The following ZNF184 variants were observed in gnomAD, a reference collection of about 807,000 sequenced individuals.
ZNF184 encodes the protein zinc finger protein 184, also known as zinc finger protein 184 (Kruppel-like).
Under a neutral mutation model 54.4 loss-of-function variants are expected in ZNF184, and 16 were observed. That is an observed-to-expected ratio of 0.29 (90% CI 0.20 to 0.45). The LOEUF (loss-of-function observed/expected upper bound fraction) is 0.45. ZNF184 is among the 20% of genes least tolerant of loss of function. The probability of loss-of-function intolerance (pLI) is 1.00; values close to 1 mark genes in which losing one functional copy is unlikely to be tolerated. For missense variants in ZNF184, 681 were observed against 888.2 expected, an observed-to-expected ratio of 0.77 and a Z score of 2.97; for synonymous variants, 254 against 295.3, an observed-to-expected ratio of 0.86 and a Z score of 1.43.
the ZNF184 span, among the ~76,000 whole-genome samples, chr6:27,445,114 C>A: frequency 6.6e-6 from 1 of 152,128 alleles, no homozygotes; most frequent in Non-Finnish European, 1.5e-5. Flanking sequence ...TTATACCCAA[C>A]AGAAATGAGT....
the ZNF184 span, among the ~76,000 whole-genome samples, chr6:27,424,262 G>A: frequency 0.59 from 90,432 of 152,030 alleles, 27,245 homozygotes; most frequent in Middle Eastern, 0.75. Context: ...CTTTTGTGAT[G>A]ACTTTTACAG....
the ZNF184 span, among the ~76,000 whole-genome samples, chr6:27,426,132 A>G: frequency 6.6e-6 from 1 of 152,160 alleles, no homozygotes; most frequent in Non-Finnish European, 1.5e-5. This position sits in a 1 kb window ranked among gnomAD's most constrained non-coding sequence, Gnocchi z 4.2. Flanking sequence ...TCATACATAC[A>G]TCTAGCATAC....
the ZNF184 span, among the ~76,000 whole-genome samples, chr6:27,437,274 G>C: frequency 6.6e-6 from 1 of 152,170 alleles, no homozygotes; most frequent in African/African-American, 2.4e-5. Context: ...TAAAAGCAGA[G>C]AGCTTTCTCC....
At chr6:27,434,921 C>G in the ZNF184 span, among the ~76,000 whole-genome samples, 33 of 152,138 alleles carry the variant, frequency 2.2e-4, no homozygotes, top group Non-Finnish European at 7.4e-5. Flanking sequence ...TGTCCTCTGC[C>G]CAGTGAATGG....
rs188047226 is a variant in ZNF184, at chr6:27,464,450, C to T, written c.75+3403G>A. On this transcript the variant is annotated intron_variant, in intron 3 of 5. Transcript: ENST00000683788. ...ATGGTGATTAAAACAAATATGAATC[C>T]CTAAAGCAACAAGTAAAATAGCAAA... 3.1e-4 allele frequency among the ~76,000 whole-genome samples: 47 copies of T among 151,244 alleles called. No homozygotes were observed. In the East Asian group the frequency reaches 8.2e-3, roughly 26 times the overall value.
chr6:27,433,661 A>G, the ZNF184 span, among the ~76,000 whole-genome samples: 42 of 152,362 alleles, frequency 2.8e-4, no homozygotes, highest in Admixed American at 1.9e-3. Flanking sequence ...TGTAACATGT[A>G]TCAGAATTTC....
chr6:27,408,947 G>A, the ZNF184 span, among the ~76,000 whole-genome samples: 1 of 152,098 alleles, frequency 6.6e-6, no homozygotes, highest in African/African-American at 2.4e-5. Context: ...CTATTCAGGA[G>A]GAATATTGTT....
chr6:27,457,344 A>AGGGTCCAGCTGTT lies in ZNF184; in HGVS notation c.128_140dup (p.Gly48ThrfsTer30), dbSNP rs778560902. The AGGGTCCAGCTGTT allele has an allele frequency of 6.8e-6, 11 of 1,613,974 alleles. No homozygotes were observed. Among genetic ancestry groups the AGGGTCCAGCTGTT allele is most frequent in the African/African-American group, 4.0e-5 (3 of 74,900 alleles). On this transcript the variant is annotated frameshift_variant, in exon 4 of 6. Coordinates refer to ENST00000683788, the MANE Select transcript of ZNF184 (RefSeq NM_001318891.2). LOFTEE classifies it high-confidence loss of function. ...CATCCCTGAACAAATCTCTCTGGCCAGGGTCCAGCTGTTTCCATTCTTCCT... is the reference window on the plus strand; with the variant it reads ...CATCCCTGAACAAATCTCTCTGGCCAGGGTCCAGCTGTTGGGTCCAGCTGTTTCCATTCTTCCT...
rs377444482 is a variant in ZNF184, at chr6:27,469,658, A to T, written c.8-1738T>A. ...AGTGTCTCAAAAACAAAAAAAAAAAATTTGAATGAGACATGAGGTATGAAA... is the reference window on the plus strand; with the variant it reads ...AGTGTCTCAAAAACAAAAAAAAAAATTTTGAATGAGACATGAGGTATGAAA... On this transcript the variant is annotated intron_variant, in intron 2 of 5. Transcript: ENST00000683788. Among the ~76,000 whole-genome samples the T allele has an allele frequency of 2.1e-4, 30 of 141,098 alleles. No homozygotes were observed. The East Asian group carries it at 6.0e-3, about 28-fold the overall frequency. 92.6% of individuals were successfully genotyped at this position (141,098 alleles called of 152,430 possible).
the ZNF184 span, among the ~76,000 whole-genome samples, chr6:27,429,497 T>A: frequency 6.6e-6 from 1 of 152,196 alleles, no homozygotes; most frequent in Non-Finnish European, 1.5e-5. Context: ...CTTTTTCAGA[T>A]TATGTTGTTA....
chr6:27,438,884 A>C, the ZNF184 span, among the ~76,000 whole-genome samples: 1 of 152,042 alleles, frequency 6.6e-6, no homozygotes, highest in Non-Finnish European at 1.5e-5. Context: ...GCCAATTTTG[A>C]GTTTTTTTAC....
chr6:27,418,754 G>C, the ZNF184 span, among the ~76,000 whole-genome samples: 1 of 151,842 alleles, frequency 6.6e-6, no homozygotes, highest in Non-Finnish European at 1.5e-5. Flanking sequence ...ATATAGTCTG[G>C]GTATTATGCC....
At chr6:27,466,644 T>C (rs1298452184) in intron 3 of ZNF184, among the ~76,000 whole-genome samples, 1 of 150,776 alleles carries the variant, frequency 6.6e-6, no homozygotes, top group African/African-American at 2.4e-5. Flanking sequence ...TTTTTAAATA[T>C]GTGCAGTTTA....
the ZNF184 span, among the ~76,000 whole-genome samples, chr6:27,426,751 C>G: frequency 6.6e-6 from 1 of 152,140 alleles, no homozygotes; most frequent in African/African-American, 2.4e-5. The surrounding 1 kb of genome is among the most constrained non-coding windows in gnomAD (Gnocchi z 4.2). Flanking sequence ...TTACTATTTC[C>G]TTCATTCTCT....
chr6:27,462,598 C>T lies in ZNF184; in HGVS notation c.76-5189G>A, dbSNP rs9379984. The stretch of plus-strand genomic sequence containing the variant: ...ACTATCAGGCAGCTGGGCACAGTGG[C>T]TCACACCTGTAATCCCAGCACTTTG... On this transcript the variant is annotated intron_variant, in intron 3 of 5. Coordinates refer to ENST00000683788, the MANE Select transcript of ZNF184 (RefSeq NM_001318891.2). Among the ~76,000 whole-genome samples the T allele has an allele frequency of 3.8e-4, 58 of 151,514 alleles. No individual in the cohort carries two copies. In the East Asian group the frequency reaches 0.011, roughly 28 times the overall value.
the ZNF184 span, among the ~76,000 whole-genome samples, chr6:27,427,259 G>A: frequency 2.0e-5 from 3 of 152,140 alleles, no homozygotes; most frequent in Non-Finnish European, 4.4e-5. Context: ...GGGTAGGAGT[G>A]ACAAATTTTT....
downstream of ZNF184, among the ~76,000 whole-genome samples, chr6:27,448,381 C>A (rs1298670830): frequency 6.6e-6 from 1 of 152,174 alleles, no homozygotes; most frequent in African/African-American, 2.4e-5. Context: ...TACTAGCATT[C>A]CAACTAAATT....
the ZNF184 span, among the ~76,000 whole-genome samples, chr6:27,419,019 T>G: frequency 6.6e-6 from 1 of 152,148 alleles, no homozygotes; most frequent in African/African-American, 2.4e-5. The surrounding 1 kb of genome is among the most constrained non-coding windows in gnomAD (Gnocchi z 4.8). Flanking sequence ...GATATTTATC[T>G]TGTTAATTGA....
At chr6:27,458,295 TAAAAAAAAA>T (rs55966783) in intron 3 of ZNF184, among the ~76,000 whole-genome samples, 2 of 62,368 alleles carry the variant, frequency 3.2e-5, no homozygotes, top group Non-Finnish European at 5.9e-5. Flanking sequence ...TTCTGCACAG[TAAAAAAAAA>T]AAAAAAAAAA....
Sources: gnomAD v4.1 joint callset for allele counts (sites outside exome capture counted in the v4.1 genomes callset) on GRCh38, gnomAD v4.1.1 for gene constraint, Gnocchi (gnomAD v3.1) non-coding constraint, MANE v1.5 for transcripts, NCBI Gene and HGNC (gene_info 2026-07-23, HGNC 2026-07-21) for gene names.